C9: variants seen among roughly 807,000 people sequenced by gnomAD.
C9 encodes complement C9.
C9 carries 63 observed loss-of-function variants against 65.4 expected under a neutral mutation model. The ratio of observed to expected loss-of-function variants is 0.96; its 90% CI spans 0.79 to 1.19. C9 has a LOEUF of 1.19. C9 is among the 50% of genes most tolerant of loss of function. C9 has a pLI of 0.00. For synonymous variants in C9, 229 were observed against 227.9 expected (o/e 1.00, Z -0.04); for missense variants, 744 against 670.1 (o/e 1.11, Z -1.22).
rs764844632 is a variant in C9 at position 39,327,121 on chromosome 5, A to G, written c.615+4555T>C. On this transcript the variant is annotated intron_variant, in intron 5 of 10. Transcript: ENST00000263408. The stretch of plus-strand genomic sequence containing the variant: ...ATTTGTAGGAGAAGCATTTTAGAAG[A>G]TGGAGGATTCAGAGGAGAAAGCTGA... Among the ~76,000 whole-genome samples the G allele has an allele frequency of 4.0e-4, 61 of 152,294 alleles. 1 individual carries two copies. The highest frequency in any genetic ancestry group is 5.1e-4 in the Non-Finnish European group (35 of 68,020).
intron 9 of C9, among the ~76,000 whole-genome samples, chr5:39,296,974 C>A (rs1275417381): frequency 6.6e-6 from 1 of 151,234 alleles, no homozygotes; most frequent in Non-Finnish European, 1.5e-5. Context: ...CCATATATGA[C>A]AAAACCACAG....
chr5:39,358,292 C>T (rs1754445290), intron 1 of C9, among the ~76,000 whole-genome samples: 1 of 152,138 alleles, frequency 6.6e-6, no homozygotes, highest in Non-Finnish European at 1.5e-5. Context: ...AGAGAGGAAG[C>T]TCTGTGAGGG....
intron 4 of C9, among the ~76,000 whole-genome samples, chr5:39,339,039 A>G (rs539066633): frequency 6.6e-6 from 1 of 152,348 alleles, no homozygotes; most frequent in African/African-American, 2.4e-5. Flanking sequence ...CTTGGATCCC[A>G]ATTAAAGCAA....
chr5:39,324,947 C>G (rs957946311), intron 5 of C9, among the ~76,000 whole-genome samples: 1 of 152,048 alleles, frequency 6.6e-6, no homozygotes, highest in Non-Finnish European at 1.5e-5. Context: ...TTGAAGTTAT[C>G]CTGTTTAAGA....
intron 4 of C9, among the ~76,000 whole-genome samples, chr5:39,335,284 A>G (rs9292737): frequency 0.03 from 4,557 of 152,300 alleles, 212 homozygotes; most frequent in African/African-American, 0.1. Context: ...GTTTGCAATT[A>G]GCAGGGGGGA....
At chr5:39,305,410 T>C (rs1379202505) in intron 9 of C9, among the ~76,000 whole-genome samples, 1 of 152,044 alleles carries the variant, frequency 6.6e-6, no homozygotes, top group African/African-American at 2.4e-5. Flanking sequence ...GACAATAAAA[T>C]AGAATAAAGG....
At chr5:39,340,813 T>A (rs925828593) in intron 4 of C9, among the ~76,000 whole-genome samples, 1 of 152,208 alleles carries the variant, frequency 6.6e-6, no homozygotes, top group Non-Finnish European at 1.5e-5. Flanking sequence ...TCATTCCAAA[T>A]GTTAACATAT....
intron 1 of C9, among the ~76,000 whole-genome samples, chr5:39,359,018 ATAT>A (rs1430382882): frequency 0.034 from 474 of 14,020 alleles, 10 homozygotes; most frequent in South Asian, 0.32. Context: ...TAAATAAAAA[ATAT>A]ATATATATAT....
At chr5:39,335,623 A>G (rs575364942) in intron 4 of C9, among the ~76,000 whole-genome samples, 4 of 152,318 alleles carry the variant, frequency 2.6e-5, no homozygotes, top group African/African-American at 7.2e-5. Context: ...TGCGAATACT[A>G]TGTCATTTTA....
chr5:39,292,362 C>T (rs1173707067), intron 9 of C9, among the ~76,000 whole-genome samples: 1 of 151,456 alleles, frequency 6.6e-6, no homozygotes, highest in Non-Finnish European at 1.5e-5. Flanking sequence ...AAAAAATCCA[C>T]ACAAACTGTA....
At chr5:39,288,590 C>T (rs563362436) in intron 10 of C9, 133 bp downstream of exon 10, 4 of 638,478 alleles carry the variant, frequency 6.3e-6, no homozygotes, top group African/African-American at 3.7e-5. Context: ...TCACTATTCA[C>T]TCAATCTTTA....
intron 5 of C9, among the ~76,000 whole-genome samples, chr5:39,322,282 T>C (rs1753677327): frequency 6.6e-6 from 1 of 151,958 alleles, no homozygotes; most frequent in Non-Finnish European, 1.5e-5. Context: ...AGTTTAAAAA[T>C]ATCTTAAAAT....
intron 7 of C9, among the ~76,000 whole-genome samples, chr5:39,309,118 C>A (rs572312363): frequency 6.6e-6 from 1 of 151,966 alleles, no homozygotes; most frequent in African/African-American, 2.4e-5. Context: ...AAAGAAAAAT[C>A]CTAATATTTT....
chr5:39,361,814 G>GA (rs1046866262), intron 1 of C9, among the ~76,000 whole-genome samples: 26 of 152,088 alleles, frequency 1.7e-4, no homozygotes, highest in Admixed American at 5.2e-4. Context: ...AAAGAAAAAA[G>GA]AAAAAAACAA....
intron 6 of C9, among the ~76,000 whole-genome samples, chr5:39,311,647 C>T (rs191016462): frequency 6.6e-6 from 1 of 152,202 alleles, no homozygotes; most frequent in Non-Finnish European, 1.5e-5. Context: ...GTGTTAAGCA[C>T]ACATTTGCTT....
intron 5 of C9, among the ~76,000 whole-genome samples, chr5:39,322,706 T>C (rs1350614835): frequency 6.6e-6 from 1 of 152,114 alleles, no homozygotes; most frequent in Non-Finnish European, 1.5e-5. Flanking sequence ...TCAACCATCA[T>C]TGGATCACAA....
intron 1 of C9, among the ~76,000 whole-genome samples, chr5:39,346,759 G>T (rs1754205634): frequency 6.6e-6 from 1 of 152,172 alleles, no homozygotes; most frequent in African/African-American, 2.4e-5. Flanking sequence ...GAACATTGAT[G>T]CAAAAATCCT....
intron 5 of C9, among the ~76,000 whole-genome samples, chr5:39,323,874 C>T (rs557486093): frequency 3.9e-5 from 6 of 151,940 alleles, no homozygotes; most frequent in Non-Finnish European, 8.8e-5. Context: ...GTAAAATTGT[C>T]TGCAGATGAT....
chr5:39,323,008 TATAA>T (rs1186646524), intron 5 of C9, among the ~76,000 whole-genome samples: 2 of 152,136 alleles, frequency 1.3e-5, no homozygotes, highest in East Asian at 3.9e-4. Flanking sequence ...ACCACAGAAA[TATAA>T]ATAAACATAA....
Sources: gnomAD v4.1 joint callset for allele counts (sites outside exome capture counted in the v4.1 genomes callset) on GRCh38, gnomAD v4.1.1 for gene constraint, MANE v1.5 for transcripts, NCBI Gene and HGNC (gene_info 2026-07-23, HGNC 2026-07-21) for gene names.